The following HDX variants were observed in gnomAD, a reference collection of about 807,000 sequenced individuals.
HDX encodes the protein chromosome X open reading frame 43.
HDX carries 19 observed loss-of-function variants against 45.2 expected under a neutral mutation model. The observed-to-expected ratio is 0.42, with a 90% CI of 0.29 to 0.62. The LOEUF is 0.62. HDX is among the 20% of genes least tolerant of loss of function. HDX has a pLI of 0.20. For synonymous variants in HDX, 188 were observed against 172.8 expected, an observed-to-expected ratio of 1.09 and a Z score of -0.69; for missense variants, 532 against 493.9, an observed-to-expected ratio of 1.08 and a Z score of -0.73.
At chrX:84,341,495 T>C (rs1193613549) in intron 7 of HDX, among the ~76,000 whole-genome samples, 1 of 110,689 alleles carries the variant, frequency 9.0e-6, no homozygotes, top group Non-Finnish European at 1.9e-5. Flanking sequence ...GATCTTAACA[T>C]GCATGGCCCT....
At chrX:84,351,102 C>T (rs1034710973) in intron 6 of HDX, among the ~76,000 whole-genome samples, 2 of 109,860 alleles carry the variant, frequency 1.8e-5, no homozygotes, top group African/African-American at 6.6e-5. Context: ...TCCAGGTTGT[C>T]CACTGGACTT....
At chrX:84,345,774 T>C (rs2037189406) in intron 6 of HDX, among the ~76,000 whole-genome samples, 1 of 111,780 alleles carries the variant, frequency 8.9e-6, no homozygotes, top group South Asian at 3.6e-4. Context: ...TCCAGTTTCT[T>C]AGCATTCTTG....
At chrX:84,382,962 G>A (rs183046970) in intron 5 of HDX, among the ~76,000 whole-genome samples, 88 of 110,736 alleles carry the variant, frequency 7.9e-4, no homozygotes, top group African/African-American at 2.7e-3. Flanking sequence ...CTCATGCGCC[G>A]CATAATATAT....
chrX:84,419,771 G>T (rs898067449), intron 5 of HDX, among the ~76,000 whole-genome samples: 4 of 112,076 alleles, frequency 3.6e-5, no homozygotes, highest in Non-Finnish European at 7.5e-5. Context: ...GTGGCCACAG[G>T]GGTGCTGATG....
At position 84,468,813 on chromosome X, in the gene HDX, C is replaced by G. The variant is rs760708636; in HGVS notation, c.910G>C (p.Glu304Gln). 1.8e-5 allele frequency: 22 copies of G among 1,211,402 alleles called. No individual in the cohort carries two copies. Among genetic ancestry groups the G allele is most frequent in the Non-Finnish European group, 2.5e-5 (22 of 895,120 alleles). The change falls in exon 4 of 11, where the codon GAG (glutamate) becomes CAG (glutamine). Residue 304 changes from glutamate (E) to glutamine (Q), a missense_variant. Glu to Gln is a conservative substitution (Grantham distance 29, BLOSUM62 2). Transcript: ENST00000373177. Reference sequence around the variant, plus strand: ...TCTTCCTCTCTGGCATATTCATCCTCAGCATCTCCAGTCTCCATTGCAATG... The same window carrying G: ...TCTTCCTCTCTGGCATATTCATCCTGAGCATCTCCAGTCTCCATTGCAATG... Reference protein sequence around the residue: ...LSIAMETGDAEDEYAREEELA... With the variant: ...LSIAMETGDAQDEYAREEELA...
chrX:84,409,463 G>A (rs2038928429), intron 5 of HDX, among the ~76,000 whole-genome samples: 1 of 109,974 alleles, frequency 9.1e-6, no homozygotes, highest in African/African-American at 3.3e-5. Flanking sequence ...GCAAAGACTT[G>A]GAACCAACCC....
chrX:84,354,930 C>CACATAT (rs1322780448), intron 6 of HDX, among the ~76,000 whole-genome samples: 3 of 74,830 alleles, frequency 4.0e-5, no homozygotes, highest in East Asian at 7.7e-4. Context: ...CACACACACA[C>CACATAT]ATATATATAT....
chrX:84,425,502 A>C (rs1333405186), intron 5 of HDX, among the ~76,000 whole-genome samples: 1 of 112,174 alleles, frequency 8.9e-6, no homozygotes, highest in Non-Finnish European at 1.9e-5. Flanking sequence ...TATATCAAAG[A>C]GATAGCTGCA....
chrX:84,325,490 T>A (rs2036689803), intron 10 of HDX, among the ~76,000 whole-genome samples: 1 of 111,704 alleles, frequency 9.0e-6, no homozygotes, highest in Non-Finnish European at 1.9e-5. Flanking sequence ...AATTCTATAG[T>A]TTTTAGCAGG....
At chrX:84,414,934 T>A (rs998575632) in intron 5 of HDX, among the ~76,000 whole-genome samples, 1 of 112,272 alleles carries the variant, frequency 8.9e-6, no homozygotes, top group Non-Finnish European at 1.9e-5. Context: ...AGACTCATAG[T>A]CTTATGTGAG....
intron 4 of HDX, among the ~76,000 whole-genome samples, chrX:84,457,935 G>A (rs1181624117): frequency 1.8e-5 from 2 of 111,768 alleles, no homozygotes; most frequent in African/African-American, 6.5e-5. Context: ...GGGGAAATTG[G>A]AAAATAAAAT....
intron 6 of HDX, among the ~76,000 whole-genome samples, chrX:84,360,507 C>G (rs2037595630): frequency 9.0e-6 from 1 of 111,479 alleles, no homozygotes; most frequent in African/African-American, 3.3e-5. Context: ...CCAGTCACCA[C>G]TAACTAATCT....
intron 4 of HDX, among the ~76,000 whole-genome samples, chrX:84,446,939 G>T (rs1261763183): frequency 1.8e-5 from 2 of 111,477 alleles, no homozygotes; most frequent in African/African-American, 3.3e-5. Flanking sequence ...AATCTGTCTG[G>T]GGTCTGCCTG....
chrX:84,321,923 G>A lies in HDX; in HGVS notation c.2039C>T (p.Ser680Phe). ...EPDDTSFSVSSLSEKNVSESL is the reference protein window; with the variant it reads ...EPDDTSFSVSFLSEKNVSESL ...TTCTGAGACATTTTTCTCTGACAAAGAAGATACACTGAATGAGGTATCATC... is the reference window on the plus strand; with the variant it reads ...TTCTGAGACATTTTTCTCTGACAAAAAAGATACACTGAATGAGGTATCATC... The change falls in exon 11 of 11, where the codon TCT becomes TTT. Residue 680 changes from serine to phenylalanine, a missense_variant. By Grantham distance (155) the Ser-to-Phe change is radical. Transcript: ENST00000373177. 8.4e-7 allele frequency: 1 copy of A among 1,188,100 alleles called. No homozygotes were observed. Among genetic ancestry groups the A allele is most frequent in the Non-Finnish European group, 1.1e-6 (1 of 878,172 alleles).
chrX:84,393,265 A>C, intron 5 of HDX, among the ~76,000 whole-genome samples: 1 of 111,399 alleles, frequency 9.0e-6, no homozygotes, highest in South Asian at 3.7e-4. Context: ...TTCTGCACTT[A>C]TTGAGATGAT....
intron 10 of HDX, among the ~76,000 whole-genome samples, chrX:84,325,952 A>T (rs898702039): frequency 2.7e-5 from 3 of 112,128 alleles, no homozygotes. Context: ...CTAACCTGAC[A>T]TTAAAAGCAT....
chrX:84,472,633 C>G (rs140418774), intron 3 of HDX, among the ~76,000 whole-genome samples: 131 of 110,660 alleles, frequency 1.2e-3, no homozygotes, highest in African/African-American at 4.2e-3. Context: ...AGTCTGGGGT[C>G]CTTTAAGGAA....
At chrX:84,478,577 T>C (rs757417932) in intron 2 of HDX, among the ~76,000 whole-genome samples, 39 of 112,289 alleles carry the variant, frequency 3.5e-4, no homozygotes, top group Non-Finnish European at 6.4e-4. Context: ...TATTCATTAC[T>C]GGAAAACAAG....
chrX:84,427,290 G>A (rs12007123), intron 5 of HDX, among the ~76,000 whole-genome samples: 43,446 of 109,303 alleles, frequency 0.4, 7,033 homozygotes, highest in Middle Eastern at 0.56. Context: ...ATTAGGAATC[G>A]CTTTTAAGAG....
Sources: allele counts gnomAD v4.1 joint callset (sites outside exome capture counted in the v4.1 genomes callset), GRCh38; gene constraint gnomAD v4.1.1; transcripts MANE v1.5; gene names NCBI Gene and HGNC (gene_info 2026-07-23, HGNC 2026-07-21).